Variants in DCDC1 observed in about 807,000 individuals in gnomAD.
DCDC1 encodes doublecortin domain-containing protein 1.
In DCDC1, 200 loss-of-function variants were observed where a neutral mutation model predicts 178.3. The ratio of observed to expected loss-of-function variants is 1.12; its 90% CI spans 1.00 to 1.26. DCDC1 has a LOEUF of 1.26. DCDC1 is among the 50% of genes most tolerant of loss of function. DCDC1 has a pLI of 0.00. For missense variants in DCDC1, 1,983 were observed against 1,749.2 expected, an observed-to-expected ratio of 1.13 and a Z score of -2.38; for synonymous variants, 690 against 604.8, an observed-to-expected ratio of 1.14 and a Z score of -2.07.
chr11:31,103,073 T>C (rs564396972), intron 14 of DCDC1, among the ~76,000 whole-genome samples: 1 of 152,302 alleles, frequency 6.6e-6, no homozygotes, highest in South Asian at 2.1e-4. Context: ...AGTTAATTTG[T>C]AACTGTGCCT....
At chr11:31,135,828 G>A (rs208065) in intron 10 of DCDC1, among the ~76,000 whole-genome samples, 90,045 of 151,768 alleles carry the variant, frequency 0.59, 27,144 homozygotes, top group East Asian at 0.93. Flanking sequence ...CACCAAATAA[G>A]CATAATTGCC....
chr11:31,156,975 T>A (rs1330714305), intron 9 of DCDC1, among the ~76,000 whole-genome samples: 1 of 152,218 alleles, frequency 6.6e-6, no homozygotes, highest in East Asian at 1.9e-4. Flanking sequence ...TGAAAGTAGA[T>A]GATAAAAATA....
chr11:30,875,818 G>A (rs909441449), intron 38 of DCDC1, among the ~76,000 whole-genome samples: 1 of 152,094 alleles, frequency 6.6e-6, no homozygotes, highest in Non-Finnish European at 1.5e-5. Context: ...GCCCTTCAAA[G>A]CTACCTTTGC....
intron 20 of DCDC1, among the ~76,000 whole-genome samples, chr11:31,021,834 CT>C (rs764127018): frequency 6.6e-6 from 1 of 152,108 alleles, no homozygotes; most frequent in African/African-American, 2.4e-5. Context: ...CTCCCTGTTA[CT>C]AATTAGGTGT....
intron 18 of DCDC1, among the ~76,000 whole-genome samples, chr11:31,072,633 T>C (rs1011192957): frequency 1.3e-5 from 2 of 152,198 alleles, no homozygotes; most frequent in Admixed American, 1.3e-4. Flanking sequence ...CTATGAATTG[T>C]ATGAAGGAGG....
intron 9 of DCDC1, among the ~76,000 whole-genome samples, chr11:31,169,811 T>C (rs1352261319): frequency 2.0e-5 from 3 of 152,124 alleles, no homozygotes; most frequent in Non-Finnish European, 4.4e-5. Flanking sequence ...CAAAAGTTTA[T>C]AGGAAGAAGA....
At chr11:31,238,811 G>C (rs1029665848) in intron 9 of DCDC1, among the ~76,000 whole-genome samples, 1 of 152,054 alleles carries the variant, frequency 6.6e-6, no homozygotes, top group Non-Finnish European at 1.5e-5. Flanking sequence ...AAGTGACTTT[G>C]TGCTGTTCTA....
intron 21 of DCDC1, among the ~76,000 whole-genome samples, chr11:30,932,706 T>C (rs1947014741): frequency 6.6e-6 from 1 of 152,276 alleles, no homozygotes; most frequent in African/African-American, 2.4e-5. Context: ...GAGGAGAACC[T>C]AACTCAGAAA....
chr11:30,949,240 A>C (rs551102864), intron 21 of DCDC1, among the ~76,000 whole-genome samples: 5 of 152,376 alleles, frequency 3.3e-5, no homozygotes, highest in African/African-American at 1.2e-4. Flanking sequence ...TGCAGCCAAC[A>C]AACATATTAA....
At chr11:31,132,804 C>T (rs1295668351) in intron 10 of DCDC1, among the ~76,000 whole-genome samples, 2 of 152,148 alleles carry the variant, frequency 1.3e-5, no homozygotes, top group East Asian at 1.9e-4. Flanking sequence ...CTTCATTCTC[C>T]GTGGAAATGC....
intron 28 of DCDC1, among the ~76,000 whole-genome samples, chr11:30,909,986 G>A (rs1234011536): frequency 6.6e-6 from 1 of 152,082 alleles, no homozygotes; most frequent in Admixed American, 6.5e-5. Flanking sequence ...TAGCAAAGAA[G>A]AAAATAAATG....
chr11:31,229,454 G>A (rs1185115740), intron 9 of DCDC1, among the ~76,000 whole-genome samples: 3 of 151,996 alleles, frequency 2.0e-5, no homozygotes, highest in Non-Finnish European at 2.9e-5. Flanking sequence ...GAAACATAAG[G>A]TTTAACACTT....
At chr11:31,260,133 T>C (rs1014832660) in intron 8 of DCDC1, among the ~76,000 whole-genome samples, 8 of 152,126 alleles carry the variant, frequency 5.3e-5, no homozygotes, top group African/African-American at 1.9e-4. Context: ...CCAGCTCCAA[T>C]CAGGCATCCA....
At chr11:31,285,072 CT>C (rs1299015403) in intron 7 of DCDC1, among the ~76,000 whole-genome samples, 4 of 151,364 alleles carry the variant, frequency 2.6e-5, no homozygotes, top group African/African-American at 9.7e-5. Flanking sequence ...TTTCTTTTTG[CT>C]TTTTTTAGAA....
At chr11:30,893,557 C>A (rs2134060861) in intron 35 of DCDC1, among the ~76,000 whole-genome samples, 1 of 152,292 alleles carries the variant, frequency 6.6e-6, no homozygotes, top group African/African-American at 2.4e-5. Context: ...AGTGATTTAT[C>A]CTTCTTAGCT....
intron 11 of DCDC1, among the ~76,000 whole-genome samples, chr11:31,113,337 C>T (rs758209057): frequency 2.6e-5 from 4 of 151,984 alleles, no homozygotes; most frequent in Non-Finnish European, 5.9e-5. Context: ...ATGTGCACAA[C>T]GTGCATGTTT....
At chr11:30,906,932 C>T (rs549945797) in intron 29 of DCDC1, among the ~76,000 whole-genome samples, 3 of 152,056 alleles carry the variant, frequency 2.0e-5, no homozygotes, top group Middle Eastern at 6.8e-3. Flanking sequence ...AACGACAATT[C>T]GACACCAATG....
chr11:31,027,968 G>C (rs1283091097), intron 20 of DCDC1, among the ~76,000 whole-genome samples: 1 of 151,632 alleles, frequency 6.6e-6, no homozygotes, highest in Non-Finnish European at 1.5e-5. Context: ...CAGTCTTAAA[G>C]AAAATTGTAC....
chr11:31,161,831 G>A (rs1257338192), intron 9 of DCDC1, among the ~76,000 whole-genome samples: 1 of 152,168 alleles, frequency 6.6e-6, no homozygotes, highest in Non-Finnish European at 1.5e-5. Context: ...TAGTGGTACT[G>A]TTGTTGTTTT....
Sources: allele counts gnomAD v4.1 joint callset (sites outside exome capture counted in the v4.1 genomes callset), GRCh38; gene constraint gnomAD v4.1.1; transcripts MANE v1.5; gene names NCBI Gene and HGNC (gene_info 2026-07-23, HGNC 2026-07-21).